The following COX10 variants were observed in gnomAD, a reference collection of about 807,000 sequenced individuals.
COX10 encodes protoheme IX farnesyltransferase, mitochondrial.
A neutral mutation model predicts 37.3 loss-of-function variants in COX10; 27 were observed. The ratio of observed to expected loss-of-function variants is 0.72; its 90% CI spans 0.53 to 1.00. The LOEUF is 1.00. COX10 is among the 50% of genes least tolerant of loss of function. The probability of loss-of-function intolerance (pLI) is 0.00; values close to 1 mark genes in which losing one functional copy is unlikely to be tolerated. For missense variants in COX10, 475 were observed against 563.2 expected (o/e 0.84, Z 1.59); for synonymous variants, 222 against 229.1 (o/e 0.97, Z 0.28).
intron 3 of COX10, among the ~76,000 whole-genome samples, chr17:14,098,128 A>G (rs1475872987): frequency 6.6e-6 from 1 of 152,150 alleles, no homozygotes; most frequent in Admixed American, 6.6e-5. Context: ...CGAGAATGTT[A>G]TAGTAGATTT....
chr17:14,181,938 C>G (rs1905872838), intron 5 of COX10: 1 of 950,150 alleles, frequency 1.1e-6, no homozygotes, highest in Non-Finnish European at 1.3e-6. Flanking sequence ...CCACGTACTC[C>G]CCTCTGAATA....
At chr17:14,123,780 C>G (rs760653120) in intron 4 of COX10, among the ~76,000 whole-genome samples, 4 of 152,154 alleles carry the variant, frequency 2.6e-5, no homozygotes, top group African/African-American at 7.2e-5. Context: ...GAAGCAGTCT[C>G]GTGCTCACAA....
chr17:14,112,367 T>C (rs1176562272), intron 4 of COX10, among the ~76,000 whole-genome samples: 1 of 152,176 alleles, frequency 6.6e-6, no homozygotes, highest in Non-Finnish European at 1.5e-5. Context: ...TAGAAAGTAA[T>C]TCTGATTTGG....
intron 4 of COX10, among the ~76,000 whole-genome samples, chr17:14,126,532 T>A (rs1437976313): frequency 6.6e-6 from 1 of 152,188 alleles, no homozygotes; most frequent in Non-Finnish European, 1.5e-5. Context: ...GTGTTCAAAT[T>A]TTAGTATGGT....
chr17:14,112,343 A>G (rs755865089), intron 4 of COX10, among the ~76,000 whole-genome samples: 2 of 152,166 alleles, frequency 1.3e-5, no homozygotes, highest in Non-Finnish European at 1.5e-5. Flanking sequence ...TCCTCTTGAC[A>G]TTCACCCACC....
At chr17:14,094,283 T>A (rs1382468307) in intron 3 of COX10, among the ~76,000 whole-genome samples, 2 of 150,892 alleles carry the variant, frequency 1.3e-5, no homozygotes, top group Admixed American at 1.3e-4. Context: ...TATGTATATT[T>A]ATAATATTTA....
chr17:14,201,014 C>T (rs766302484), intron 6 of COX10, among the ~76,000 whole-genome samples: 10 of 152,168 alleles, frequency 6.6e-5, no homozygotes, highest in Non-Finnish European at 1.0e-4. Flanking sequence ...TGGCCAGACA[C>T]GAGCAGAGGA....
At position 14,192,234 on chromosome 17, in the gene COX10, C is replaced by A. The variant is rs542676932; in HGVS notation, c.928+13C>A. 1.2e-6 allele frequency: 2 copies of A among 1,614,172 alleles called. No homozygotes were observed. The highest frequency in any genetic ancestry group is 1.7e-5 in the Admixed American group (1 of 60,030). The stretch of plus-strand genomic sequence containing the variant: ...AGCCTCGATGCTGGTAAGTGTCCCG[C>A]GATGTGGAGTCTCATATGAGCACAC... On this transcript the variant is annotated intron_variant, in intron 6 of 6. Transcript: ENST00000261643.
Position 14,207,159 on chromosome 17 carries a change from G to A in COX10, c.1278G>A (p.Met426Ile), listed in dbSNP as rs1033414926. ...ACCTGCCGCTGCTGCTGCTGCTCATGCTCACCTGCAAGCGGCCGAGCGGAG... is the reference window on the plus strand; with the variant it reads ...ACCTGCCGCTGCTGCTGCTGCTCATACTCACCTGCAAGCGGCCGAGCGGAG... ...LWHLPLLLLL[M>I]LTCKRPSGGG... The change falls in exon 7 of 7, where the codon ATG becomes ATA. Residue 426 changes from methionine to isoleucine, a missense_variant. Physicochemically the swap from Met to Ile is conservative, Grantham distance 10. Coordinates refer to ENST00000261643, the MANE Select transcript of COX10 (RefSeq NM_001303.4). The A allele has an allele frequency of 2.5e-6, 4 of 1,612,252 alleles. No homozygotes were observed. The Admixed American group carries it at 6.7e-5, about 27-fold the overall frequency.
chr17:14,163,912 A>T (rs942412356), intron 5 of COX10, among the ~76,000 whole-genome samples: 1 of 151,952 alleles, frequency 6.6e-6, no homozygotes, highest in Non-Finnish European at 1.5e-5. Flanking sequence ...TATGTATTTC[A>T]TCTGCACATC....
At chr17:14,163,276 G>A (rs367631723) in intron 5 of COX10, among the ~76,000 whole-genome samples, 4 of 95,934 alleles carry the variant, frequency 4.2e-5, no homozygotes, top group Non-Finnish European at 9.4e-5. Flanking sequence ...TTTATTTAGA[G>A]ACAGAGTCTC....
At position 14,147,408 on chromosome 17, in the gene COX10, A is replaced by G. The variant is rs115108244; in HGVS notation, c.625-12469A>G. ...AAATAAGCCAGGCACAGAAAAACAA[A>G]CATTGCGTATTCTCACTTATGTATA... On this transcript the variant is annotated intron_variant, in intron 4 of 6. Transcript: ENST00000261643. 9.9e-3 allele frequency among the ~76,000 whole-genome samples: 1,500 copies of G among 152,274 alleles called. 17 individuals carry two copies. Among genetic ancestry groups the G allele is most frequent in the African/African-American group, 0.034 (1,416 of 41,540 alleles).
intron 5 of COX10, among the ~76,000 whole-genome samples, chr17:14,166,344 C>G (rs1283561897): frequency 6.6e-6 from 1 of 152,138 alleles, no homozygotes; most frequent in Non-Finnish European, 1.5e-5. Context: ...TCCTAAGACT[C>G]TTAAGAATTA....
intron 5 of COX10, among the ~76,000 whole-genome samples, chr17:14,161,334 G>GA (rs1905166956): frequency 6.6e-6 from 1 of 152,112 alleles, no homozygotes; most frequent in African/African-American, 2.4e-5. Flanking sequence ...CCAAAGGCCC[G>GA]AAAATTCCAA....
At chr17:14,085,550 T>C (rs1395097590) in intron 3 of COX10, among the ~76,000 whole-genome samples, 1 of 152,192 alleles carries the variant, frequency 6.6e-6, no homozygotes, top group Non-Finnish European at 1.5e-5. Flanking sequence ...TATTTTTTTC[T>C]CAAAGTTAGC....
chr17:14,135,954 G>A (rs1282552086), intron 4 of COX10, among the ~76,000 whole-genome samples: 6 of 151,872 alleles, frequency 4.0e-5, no homozygotes, highest in Non-Finnish European at 8.8e-5. Context: ...TTTTCTTCAG[G>A]CATTTTTAAT....
rs369511505 is a variant in COX10 at position 14,077,002 on chromosome 17, C to T, written c.445C>T (p.Gln149Ter). The T allele has an allele frequency of 6.2e-7, 1 of 1,613,924 alleles. No homozygotes were observed. The highest frequency in any genetic ancestry group is 8.5e-7 in the Non-Finnish European group (1 of 1,180,014). The change falls in exon 3 of 7, where the codon CAA (glutamine) becomes TAA (stop). Residue 149 changes from glutamine to a stop codon, truncating the protein, a stop_gained. Coordinates refer to ENST00000261643, the MANE Select transcript of COX10 (RefSeq NM_001303.4). LOFTEE classifies it high-confidence loss of function. Reference sequence around the variant, plus strand: ...AAAGCGGTGGAAAGAGATGAAGCTGCAAGTGTATGATTTGCCAGGAATTTT... The same window carrying T: ...AAAGCGGTGGAAAGAGATGAAGCTGTAAGTGTATGATTTGCCAGGAATTTT... ...EEKRWKEMKLQVYDLPGILAR... is the reference protein window; with the variant it reads ...EEKRWKEMKL
chr17:14,113,794 G>T (rs1567594217), intron 4 of COX10, among the ~76,000 whole-genome samples: 3 of 152,156 alleles, frequency 2.0e-5, no homozygotes, highest in Middle Eastern at 3.2e-3. Flanking sequence ...TTTCTCTACT[G>T]ATGGCATTAT....
chr17:14,189,141 A>G (rs1190226970), intron 5 of COX10, among the ~76,000 whole-genome samples: 1 of 134,836 alleles, frequency 7.4e-6, no homozygotes, highest in Non-Finnish European at 1.6e-5. Context: ...TAAAATTTCC[A>G]TTGAAAGCCC....
Sources: gnomAD v4.1 joint callset for allele counts (sites outside exome capture counted in the v4.1 genomes callset) on GRCh38, gnomAD v4.1.1 for gene constraint, MANE v1.5 for transcripts, NCBI Gene and HGNC (gene_info 2026-07-23, HGNC 2026-07-21) for gene names.